PHF12: variants seen among roughly 807,000 people sequenced by gnomAD.
The protein encoded by PHF12 is PHD finger protein 12, also known as PHD factor 1.
PHF12 carries 6 observed loss-of-function variants against 99.8 expected under a neutral mutation model. That is an observed-to-expected ratio of 0.06 (90% CI 0.03 to 0.12). The LOEUF (loss-of-function observed/expected upper bound fraction) is 0.12. PHF12 is among the 10% of genes least tolerant of loss of function. The pLI, the probability that PHF12 is intolerant of heterozygous loss-of-function variation, is 1.00. For missense variants in PHF12, 954 were observed against 1,300.1 expected, an observed-to-expected ratio of 0.73 and a Z score of 4.09; for synonymous variants, 480 against 514.9, an observed-to-expected ratio of 0.93 and a Z score of 0.92.
Position 28,906,958 on chromosome 17 carries a change from G to A in PHF12, c.2578C>T (p.His860Tyr). The A allele has an allele frequency of 6.2e-7, 1 of 1,612,994 alleles. No individual in the cohort carries two copies. The highest frequency in any genetic ancestry group is 8.5e-7 in the Non-Finnish European group (1 of 1,179,478). ...AGCACATTGTCCACCGTTGTCCCAT[G>A]CTCACTGTAGTTTAACAGCTCATAA... is the stretch of plus-strand genomic sequence containing the variant. ...KHYELLNYSE[H>Y]GTTVDNVLYS... The change falls in exon 14 of 15, where the codon CAT becomes TAT. Residue 860 changes from histidine to tyrosine, a missense_variant. Physicochemically the swap from His to Tyr is moderately conservative, Grantham distance 83 (BLOSUM62 2). Coordinates refer to ENST00000332830, the MANE Select transcript of PHF12 (RefSeq NM_001033561.2). The surrounding 1 kb of genome is among the most constrained non-coding windows in gnomAD (Gnocchi z 4.2).
intron 7 of PHF12, among the ~76,000 whole-genome samples, chr17:28,914,399 G>A (rs1055075275): frequency 6.6e-5 from 10 of 152,132 alleles, no homozygotes; most frequent in Non-Finnish European, 1.2e-4. Context: ...TAGGCCAGGC[G>A]CGGTGGCTCA....
chr17:28,934,528 A>T (rs1164020159), intron 2 of PHF12, among the ~76,000 whole-genome samples: 2 of 151,948 alleles, frequency 1.3e-5, no homozygotes, highest in African/African-American at 4.8e-5. Context: ...CAGTGGAGAC[A>T]TTTCTTCTGA....
intron 6 of PHF12, 52 bp from the exon 7 acceptor site, chr17:28,917,501 A>G (rs2152662083): frequency 6.5e-7 from 1 of 1,543,760 alleles, no homozygotes; most frequent in Non-Finnish European, 8.7e-7. Flanking sequence ...GGCACCTCCT[A>G]TCCCAGTTAA....
intron 10 of PHF12, chr17:28,910,789 G>A (rs543130620): frequency 6.1e-4 from 235 of 382,872 alleles, no homozygotes; most frequent in Non-Finnish European, 1.0e-3. Flanking sequence ...TCCCTCCTTT[G>A]GGAGTGAGGA....
In PHF12 at chr17:28,949,999, G is replaced by A. The variant is rs1408096966; in HGVS notation, c.248+66C>T. 1 of 1,462,466 alleles carries A rather than the reference G, an allele frequency of 6.8e-7. No homozygotes were observed. Among genetic ancestry groups the A allele is most frequent in the Non-Finnish European group, 9.1e-7 (1 of 1,095,708 alleles). The allele number at this position is 1,462,466 out of a possible 1,614,324, so 90.6% of individuals were successfully genotyped here. On this transcript the variant is annotated intron_variant, in intron 2 of 14. Coordinates refer to ENST00000332830, the MANE Select transcript of PHF12 (RefSeq NM_001033561.2). This position sits in a 1 kb window ranked among gnomAD's most constrained non-coding sequence, Gnocchi z 4.6. The stretch of plus-strand genomic sequence containing the variant: ...CCCGTTATTTCGGCAGTCAGGGGCA[G>A]GCCGGGTGAAGGAATGCGCAGAGAA...
intron 7 of PHF12, among the ~76,000 whole-genome samples, chr17:28,916,862 CTT>C (rs1188108306): frequency 6.6e-6 from 1 of 152,228 alleles, no homozygotes; most frequent in Non-Finnish European, 1.5e-5. Context: ...ATATTTTCCA[CTT>C]AAGTTCCTGA....
At chr17:28,911,568 T>C (rs540913097) in intron 9 of PHF12, among the ~76,000 whole-genome samples, 1 of 152,322 alleles carries the variant, frequency 6.6e-6, no homozygotes, top group South Asian at 2.1e-4. Context: ...CCTGCCCTTA[T>C]AATTCTTGCC....
chr17:28,926,415 C>T (rs2040274374), intron 3 of PHF12: 2 of 234,106 alleles, frequency 8.5e-6, no homozygotes, highest in African/African-American at 4.7e-5. Flanking sequence ...GGTGCAAGCA[C>T]ACCTACTTCC....
intron 2 of PHF12, 38 bp from the exon 3 acceptor site, chr17:28,927,101 C>G: frequency 6.4e-7 from 1 of 1,568,010 alleles, no homozygotes; most frequent in South Asian, 1.1e-5. Flanking sequence ...AAATAACTAG[C>G]CCTTTGAGGC....
At position 28,949,943 on chromosome 17, in the gene PHF12, G is replaced by T; in HGVS notation, c.248+122C>A. 1 of 1,185,700 alleles carries T rather than the reference G, an allele frequency of 8.4e-7. No homozygotes were observed. The highest frequency in any genetic ancestry group is 1.2e-6 in the Non-Finnish European group (1 of 855,068). 73.4% of individuals were successfully genotyped at this position (1,185,700 alleles called of 1,614,324 possible). A position where few individuals can be genotyped will look rare whatever the true frequency, so the allele number is the denominator to read the frequency against. On this transcript the variant is annotated intron_variant, in intron 2 of 14. Transcript: ENST00000332830. The surrounding 1 kb of genome is among the most constrained non-coding windows in gnomAD (Gnocchi z 4.6). ...GGGCGGGGAGGTGCTCGCCCCGGCA[G>T]CTGCAGAAAGTCAGCTAGCGGCTGC...
Sources: allele counts gnomAD v4.1 joint callset (sites outside exome capture counted in the v4.1 genomes callset), GRCh38; gene constraint gnomAD v4.1.1; non-coding constraint Gnocchi (gnomAD v3.1); transcripts MANE v1.5; gene names NCBI Gene and HGNC (gene_info 2026-07-23, HGNC 2026-07-21).